The following GRIPAP1 variants were observed in gnomAD, a reference collection of about 807,000 sequenced individuals.
GRIPAP1 encodes the protein GRIP1 associated protein 1.
Under a neutral mutation model 84.1 loss-of-function variants are expected in GRIPAP1, and 14 were observed. The ratio of observed to expected loss-of-function variants is 0.17; its 90% confidence interval spans 0.11 to 0.26. GRIPAP1 has a LOEUF of 0.26. Ranked by LOEUF, GRIPAP1 falls within the 10% of genes least tolerant of loss-of-function variation. GRIPAP1 has a pLI of 1.00. For missense variants in GRIPAP1, 518 were observed against 674.2 expected (o/e 0.77, Z 2.57); for synonymous variants, 261 against 256.8 (o/e 1.02, Z -0.15).
chrX:48,983,583 T>C (rs1362675620), intron 15 of GRIPAP1, 143 bp from the exon 16 acceptor site: 4 of 547,724 alleles, frequency 7.3e-6, no homozygotes, highest in Non-Finnish European at 1.2e-5. Flanking sequence ...CCCATCCTTA[T>C]AGAACTGGTC....
chrX:48,981,364 G>C, intron 20 of GRIPAP1, 50 bp from the exon 21 acceptor site: 2 of 1,200,090 alleles, frequency 1.7e-6, no homozygotes, highest in Non-Finnish European at 2.3e-6. Flanking sequence ...GGGCCCATAG[G>C]AGGGAGGCTA....
intron 21 of GRIPAP1, among the ~76,000 whole-genome samples, chrX:48,978,811 T>C (rs1028624389): frequency 9.3e-6 from 1 of 108,051 alleles, no homozygotes; most frequent in African/African-American, 3.4e-5. Context: ...GGAGAATCGC[T>C]TGAACCCAAG....
chrX:48,986,902 G>A (rs1434184004), intron 13 of GRIPAP1, among the ~76,000 whole-genome samples: 1 of 110,235 alleles, frequency 9.1e-6, no homozygotes, highest in Non-Finnish European at 1.9e-5. Context: ...AGGCTTGAGT[G>A]CAATGGCACG....
At chrX:48,990,076 G>A in intron 8 of GRIPAP1, 73 bp from the exon 9 acceptor site, 2 of 855,797 alleles carry the variant, frequency 2.3e-6, no homozygotes, top group Non-Finnish European at 3.3e-6. Flanking sequence ...AATAAATATA[G>A]ACACTTCTTA....
At chrX:48,984,714 C>CAAAA (rs782364425) in intron 14 of GRIPAP1, among the ~76,000 whole-genome samples, 1 of 15,863 alleles carries the variant, frequency 6.3e-5, no homozygotes, top group Non-Finnish European at 9.7e-5. Context: ...GACTCCATCT[C>CAAAA]AAAAAAAAAA....
At chrX:48,975,388 A>G in intron 24 of GRIPAP1, 79 bp from the exon 25 acceptor site, 5 of 987,463 alleles carry the variant, frequency 5.1e-6, no homozygotes, top group Non-Finnish European at 6.9e-6. Context: ...GAAAAGAGGG[A>G]GACGAATACC....
At chrX:48,994,003 A>G (rs1557066236) in intron 5 of GRIPAP1, among the ~76,000 whole-genome samples, 1 of 109,978 alleles carries the variant, frequency 9.1e-6, no homozygotes, top group Non-Finnish European at 1.9e-5. Context: ...CTCGCAGGGC[A>G]TTTCCAGGGC....
chrX:48,975,535 G>GC (rs1455669564), intron 24 of GRIPAP1: 1 of 391,578 alleles, frequency 2.6e-6, no homozygotes, highest in African/African-American at 2.5e-5. Flanking sequence ...AGATGCACAT[G>GC]ACTGTATGTG....
intron 5 of GRIPAP1, among the ~76,000 whole-genome samples, chrX:48,994,230 T>C (rs1156370113): frequency 3.9e-5 from 4 of 101,630 alleles, no homozygotes; most frequent in African/African-American, 1.1e-4. Context: ...TTTTTTTTTT[T>C]TTTTTTTTTT....
At chrX:48,990,854 G>C in intron 7 of GRIPAP1, 72 bp downstream of exon 7, 2 of 1,027,086 alleles carry the variant, frequency 1.9e-6, no homozygotes, top group Non-Finnish European at 1.4e-6. Flanking sequence ...AGCCATCTCC[G>C]TGGGACTATA....
intron 22 of GRIPAP1, chrX:48,977,922 T>G (rs2064431790): frequency 7.7e-6 from 1 of 130,457 alleles, no homozygotes; most frequent in Admixed American, 8.5e-5. Context: ...TGTGGAACAA[T>G]AAAAAAGTTA....
At chrX:48,993,063 G>A (rs1443753962) in intron 6 of GRIPAP1, among the ~76,000 whole-genome samples, 2 of 110,531 alleles carry the variant, frequency 1.8e-5, no homozygotes, top group African/African-American at 6.6e-5. Context: ...CTCGCAATCC[G>A]CCCGCCTCAG....
chrX:49,000,254 A>T (rs2147752364), intron 1 of GRIPAP1, among the ~76,000 whole-genome samples: 2 of 103,227 alleles, frequency 1.9e-5, no homozygotes, highest in South Asian at 9.3e-4. Flanking sequence ...AGTCCCAGCT[A>T]CTCGGGAGGC....
intron 3 of GRIPAP1, chrX:48,998,933 G>A (rs1859784628): frequency 6.8e-6 from 2 of 294,583 alleles, no homozygotes. Context: ...GTAGAGGATG[G>A]GAGGCAGATT....
chrX:48,994,297 C>A, intron 5 of GRIPAP1, among the ~76,000 whole-genome samples: 1 of 106,402 alleles, frequency 9.4e-6, no homozygotes, highest in East Asian at 2.9e-4. Flanking sequence ...GATTTCAGCC[C>A]ACTGCAACCT....
chrX:48,981,986 G>A, intron 17 of GRIPAP1, 114 bp from the exon 18 acceptor site: 1 of 507,395 alleles, frequency 2.0e-6, no homozygotes, highest in South Asian at 2.8e-5. Flanking sequence ...CCCTCCTGCA[G>A]GGAACCCCAC....
chrX:49,001,338 A>C (rs1602481747), intron 1 of GRIPAP1, among the ~76,000 whole-genome samples: 10 of 96,387 alleles, frequency 1.0e-4, no homozygotes, highest in Admixed American at 1.1e-4. Context: ...TCCCCTCCCC[A>C]TGCAGGACCC....
At position 48,993,581 on chromosome X, in the gene GRIPAP1, G is replaced by A. The variant is rs782650011; in HGVS notation, c.307-3C>T. 1.9e-5 allele frequency: 21 copies of A among 1,129,733 alleles called. No homozygotes were observed. In the South Asian group the frequency reaches 4.5e-4, roughly 24 times the overall value. The allele number at this position is 1,129,733 out of a possible 1,213,427, so 93.1% of individuals were successfully genotyped here. On this transcript the variant is annotated splice_region_variant and splice_polypyrimidine_tract_variant and intron_variant, in intron 5 of 25. Transcript: ENST00000376423. Reference sequence around the variant, plus strand: ...AGCTGTTCCATCTGGCTGCAGAGCTGAACAGAGGAAGAGAAGGGGCAGAGA... The same window carrying A: ...AGCTGTTCCATCTGGCTGCAGAGCTAAACAGAGGAAGAGAAGGGGCAGAGA...
chrX:48,981,217 G>A lies in GRIPAP1; in HGVS notation c.1928C>T (p.Ser643Leu), dbSNP rs782338005. 2 of 1,202,925 alleles carry A rather than the reference G, an allele frequency of 1.7e-6. No homozygotes were observed. The highest frequency in any genetic ancestry group is 2.2e-5 in the Admixed American group (1 of 45,878). Residue 643 changes from serine (S) to leucine (L), a missense_variant and splice_region_variant, in exon 21 of 26, where the codon TCA (serine) becomes TTA (leucine). Around this residue, in one of 5 missense-constraint regions of GRIPAP1, gnomAD observed 66 missense variants for 65.2 expected, o/e 1.01. Coordinates refer to ENST00000376423, the MANE Select transcript of GRIPAP1 (RefSeq NM_020137.5). ...QDILTNSKSRSGLEELVLSEM... is the reference protein window; with the variant it reads ...QDILTNSKSRLGLEELVLSEM... ...CTCTCCCTGTCCTAGTCCCTCACCT[G>A]AGCGGCTCTTGCTGTTAGTGAGGAT...
Sources: gnomAD v4.1 joint callset for allele counts (sites outside exome capture counted in the v4.1 genomes callset) on GRCh38, gnomAD v4.1.1 for gene constraint, gnomAD v4.1.1 regional missense constraint, MANE v1.5 for transcripts, NCBI Gene and HGNC (gene_info 2026-07-23, HGNC 2026-07-21) for gene names.